ADAMTS17: variants seen among roughly 807,000 people sequenced by gnomAD.
ADAMTS17 encodes ADAM metallopeptidase with thrombospondin type 1 motif 17.
In ADAMTS17, 113 loss-of-function variants were observed where a neutral mutation model predicts 141.5. That is an observed-to-expected ratio of 0.80 (90% CI 0.69 to 0.93). The LOEUF (loss-of-function observed/expected upper bound fraction) is 0.93, where lower values mean the gene tolerates loss of function less well. Among genes scored for constraint, ADAMTS17 ranks in the 40% least tolerant of loss-of-function variants. The pLI is 0.00. For missense variants in ADAMTS17, 1,659 were observed against 1,517.9 expected, an observed-to-expected ratio of 1.09 and a Z score of -1.54; for synonymous variants, 768 against 630.6, an observed-to-expected ratio of 1.22 and a Z score of -3.27.
chr15:100,051,978 G>A (rs2032185919), intron 16 of ADAMTS17, among the ~76,000 whole-genome samples: 1 of 152,208 alleles, frequency 6.6e-6, no homozygotes, highest in East Asian at 1.9e-4. Flanking sequence ...CTACCCAAGA[G>A]AGAGACCAGC....
At chr15:100,126,151 G>A (rs773250972) in intron 12 of ADAMTS17, 1 of 152,340 alleles carries the variant, frequency 6.6e-6, no homozygotes, top group Non-Finnish European at 1.5e-5. Flanking sequence ...CAGGCTGGAG[G>A]CTGCAGCCTG....
intron 7 of ADAMTS17, among the ~76,000 whole-genome samples, chr15:100,252,458 G>T (rs2043183046): frequency 6.6e-6 from 1 of 152,200 alleles, no homozygotes; most frequent in Admixed American, 6.5e-5. Flanking sequence ...CCACACGATT[G>T]AGAGATTATG....
chr15:100,085,663 T>C (rs28875605), intron 15 of ADAMTS17, among the ~76,000 whole-genome samples: 48,249 of 149,972 alleles, frequency 0.32, 9,985 homozygotes, highest in East Asian at 0.57. Flanking sequence ...AGAAACTCTA[T>C]AAGCCAGAAG....
At chr15:100,079,483 C>A (rs993050921) in intron 15 of ADAMTS17, among the ~76,000 whole-genome samples, 1 of 152,144 alleles carries the variant, frequency 6.6e-6, no homozygotes, top group Non-Finnish European at 1.5e-5. Context: ...CATGAAATGT[C>A]CAGATAGGCA....
At chr15:100,244,726 C>A (rs140212022) in intron 7 of ADAMTS17, among the ~76,000 whole-genome samples, 2 of 152,164 alleles carry the variant, frequency 1.3e-5, no homozygotes, top group Non-Finnish European at 2.9e-5. Context: ...GCGATTTCCT[C>A]GGCTTGTTCC....
At chr15:100,334,487 C>A (rs2046148609) in intron 2 of ADAMTS17, among the ~76,000 whole-genome samples, 1 of 152,110 alleles carries the variant, frequency 6.6e-6, no homozygotes, top group African/African-American at 2.4e-5. Flanking sequence ...CTGTAGGGAC[C>A]AACCAGCTTC....
At chr15:99,985,179 G>T (rs1329255746) in intron 20 of ADAMTS17, among the ~76,000 whole-genome samples, 1 of 152,248 alleles carries the variant, frequency 6.6e-6, no homozygotes, top group Non-Finnish European at 1.5e-5. Flanking sequence ...CCAAAGAAGT[G>T]TCTGTCCCCG....
At chr15:100,026,609 A>G (rs2061519872) in intron 18 of ADAMTS17, among the ~76,000 whole-genome samples, 1 of 152,212 alleles carries the variant, frequency 6.6e-6, no homozygotes, top group Non-Finnish European at 1.5e-5. Flanking sequence ...TGTCCTACAA[A>G]TTGCATCTGA....
chr15:100,336,539 A>G (rs1259929867), intron 2 of ADAMTS17, among the ~76,000 whole-genome samples: 1 of 152,158 alleles, frequency 6.6e-6, no homozygotes, highest in Non-Finnish European at 1.5e-5. Flanking sequence ...CTCCAAACAT[A>G]TTTATTCTGC....
At chr15:100,162,770 A>C (rs2141420667) in intron 8 of ADAMTS17, among the ~76,000 whole-genome samples, 1 of 145,886 alleles carries the variant, frequency 6.9e-6, no homozygotes, top group African/African-American at 2.5e-5. Flanking sequence ...GCACATATAC[A>C]CATATATATA....
At position 99,973,826 on chromosome 15, in the gene ADAMTS17, G is replaced by T; in HGVS notation, c.*576C>A. On this transcript the variant is annotated 3_prime_UTR_variant, in exon 22 of 22. Coordinates refer to ENST00000268070, the MANE Select transcript of ADAMTS17 (RefSeq NM_139057.4). ...TCCAAGGCAACACCTAGGATTTAGA[G>T]ACTATGTTCTCAGAGACGGGCATGG... 1.0e-5 allele frequency: 2 copies of T among 193,046 alleles called. No homozygotes were observed. The highest frequency in any genetic ancestry group is 2.2e-5 in the Non-Finnish European group (2 of 92,808). The allele number at this position is 193,046 out of a possible 1,614,324, so 12.0% of individuals were successfully genotyped here. A position where few individuals can be genotyped will look rare whatever the true frequency, so the allele number is the denominator to read the frequency against.
chr15:100,050,948 G>T (rs1177270915), intron 17 of ADAMTS17, among the ~76,000 whole-genome samples: 1 of 152,194 alleles, frequency 6.6e-6, no homozygotes. Flanking sequence ...ATGCCTTTTG[G>T]TCATATTGAT....
chr15:100,074,258 ACACC>A (rs1417642630), intron 15 of ADAMTS17: 2 of 152,500 alleles, frequency 1.3e-5, no homozygotes, highest in Admixed American at 1.3e-4. Flanking sequence ...GAGAGAATGT[ACACC>A]TTTGTTTTGT....
intron 15 of ADAMTS17, among the ~76,000 whole-genome samples, chr15:100,057,886 C>T (rs2032725885): frequency 6.6e-6 from 1 of 152,130 alleles, no homozygotes; most frequent in Non-Finnish European, 1.5e-5. Flanking sequence ...CCCCTGGATC[C>T]AGCAGTGCCT....
At chr15:100,101,498 C>G (rs1032597726) in intron 14 of ADAMTS17, among the ~76,000 whole-genome samples, 5 of 152,218 alleles carry the variant, frequency 3.3e-5, no homozygotes, top group African/African-American at 9.7e-5. Context: ...GGAACCTCTT[C>G]TTGGTTGTTA....
intron 10 of ADAMTS17, among the ~76,000 whole-genome samples, chr15:100,140,480 C>CATAGATATATATATATATATATATAT (rs1466321506): frequency 1.9e-5 from 1 of 53,808 alleles, no homozygotes; most frequent in African/African-American, 4.4e-5. Context: ...GACACACACA[C>CATAGATATATATATATATATATATAT]ATACATACAT....
At chr15:100,194,648 G>T (rs1014689537) in intron 8 of ADAMTS17, among the ~76,000 whole-genome samples, 4 of 152,218 alleles carry the variant, frequency 2.6e-5, no homozygotes, top group Non-Finnish European at 5.9e-5. Flanking sequence ...AAAAGCAGGG[G>T]CCTATCTGAG....
intron 7 of ADAMTS17, among the ~76,000 whole-genome samples, chr15:100,252,523 C>T (rs1057134412): frequency 1.3e-5 from 2 of 152,208 alleles, no homozygotes; most frequent in African/African-American, 4.8e-5. Flanking sequence ...GCGCCCCGGA[C>T]ATGGGTACTG....
At chr15:100,242,986 C>T (rs952939604) in intron 7 of ADAMTS17, among the ~76,000 whole-genome samples, 1 of 152,220 alleles carries the variant, frequency 6.6e-6, no homozygotes, top group African/African-American at 2.4e-5. Context: ...TTCCCCATGA[C>T]CGCGTTCCTC....
Sources: gnomAD v4.1 joint callset for allele counts (sites outside exome capture counted in the v4.1 genomes callset) on GRCh38, gnomAD v4.1.1 for gene constraint, MANE v1.5 for transcripts, NCBI Gene and HGNC (gene_info 2026-07-23, HGNC 2026-07-21) for gene names.